The following ZHX2 variants were observed in gnomAD, a reference collection of about 807,000 sequenced individuals.
ZHX2 encodes zinc fingers and homeoboxes protein 2.
A neutral mutation model predicts 21.9 loss-of-function variants in ZHX2; 6 were observed. The observed-to-expected ratio is 0.27, with a 90% CI of 0.15 to 0.54. The LOEUF (loss-of-function observed/expected upper bound fraction) is 0.54. Among genes scored for constraint, ZHX2 ranks in the 20% least tolerant of loss-of-function variants. The pLI is 0.95. For synonymous variants in ZHX2, 434 were observed against 437.1 expected, an observed-to-expected ratio of 0.99 and a Z score of 0.09; for missense variants, 908 against 1,090.7, an observed-to-expected ratio of 0.83 and a Z score of 2.36.
intron 1 of ZHX2, among the ~76,000 whole-genome samples, chr8:122,842,253 T>C (rs1241279827): frequency 2.0e-5 from 3 of 152,206 alleles, no homozygotes; most frequent in East Asian, 3.9e-4. Context: ...ATTGAGAACA[T>C]TGGTCTTCAG....
At chr8:122,856,318 A>G (rs16897552) in intron 1 of ZHX2, among the ~76,000 whole-genome samples, 43,631 of 152,022 alleles carry the variant, frequency 0.29, 6,636 homozygotes, top group East Asian at 0.4. Context: ...AGACACACCC[A>G]TTGTCAAAGA....
intron 1 of ZHX2, among the ~76,000 whole-genome samples, chr8:122,823,849 C>T (rs1411201775): frequency 2.6e-5 from 4 of 152,178 alleles, no homozygotes; most frequent in Admixed American, 2.0e-4. Context: ...CTCCTGATTT[C>T]ATATTTACCT....
intron 1 of ZHX2, among the ~76,000 whole-genome samples, chr8:122,838,731 C>A (rs1438233518): frequency 2.0e-5 from 3 of 151,992 alleles, no homozygotes; most frequent in African/African-American, 7.3e-5. Context: ...GCACGTGCCA[C>A]TACACCCAGC....
At chr8:122,861,854 G>A (rs1223376384) in intron 1 of ZHX2, among the ~76,000 whole-genome samples, 1 of 152,206 alleles carries the variant, frequency 6.6e-6, no homozygotes, top group Non-Finnish European at 1.5e-5. Flanking sequence ...GGAGAGTATT[G>A]TTCTTCTCGC....
intron 2 of ZHX2, among the ~76,000 whole-genome samples, chr8:122,937,129 G>A (rs564034394): frequency 6.6e-6 from 1 of 152,348 alleles, no homozygotes; most frequent in East Asian, 1.9e-4. Flanking sequence ...AACCGGGGAG[G>A]CCCAGGGCTC....
Position 122,782,006 on chromosome 8 carries a change from C to G in ZHX2, c.-283+60C>G, listed in dbSNP as rs904765397. 1 of 152,530 alleles carries G rather than the reference C, an allele frequency of 6.6e-6. No homozygotes were observed. The highest frequency in any genetic ancestry group is 1.5e-5 in the Non-Finnish European group (1 of 68,358). The allele number at this position is 152,530 out of a possible 1,614,324, so 9.4% of individuals were successfully genotyped here. A position where few individuals can be genotyped will look rare whatever the true frequency, so the allele number is the denominator to read the frequency against. ...CCGGCGCCGCCGGCCCCAAACCCCG[C>G]ACGCCGGGCGCCGGCCACTCCAGCC... is the stretch of plus-strand genomic sequence containing the variant. On this transcript the variant is annotated intron_variant, in intron 1 of 3. Coordinates refer to ENST00000314393, the MANE Select transcript of ZHX2 (RefSeq NM_014943.5). This position sits in a 1 kb window ranked among gnomAD's most constrained non-coding sequence, Gnocchi z 5.3.
intron 1 of ZHX2, among the ~76,000 whole-genome samples, chr8:122,821,767 C>T (rs927237419): frequency 4.6e-5 from 7 of 152,136 alleles, no homozygotes; most frequent in Middle Eastern, 3.4e-3. Flanking sequence ...TGCGGTGGCG[C>T]GATCTCGGCT....
chr8:122,943,614 G>A lies in ZHX2; in HGVS notation c.-219-7678G>A, dbSNP rs73335714. On this transcript the variant is annotated intron_variant, in intron 2 of 3. Coordinates refer to ENST00000314393, the MANE Select transcript of ZHX2 (RefSeq NM_014943.5). The stretch of plus-strand genomic sequence containing the variant: ...GGAAGAGAGGCCAAACCCAACGGGC[G>A]AAAGTTCCAGATGAAAAGTGAAGAG... Among the ~76,000 whole-genome samples the A allele has an allele frequency of 5.0e-3, 757 of 152,326 alleles. 2 individuals carry two copies. The highest frequency in any genetic ancestry group is 0.017 in the African/African-American group (717 of 41,574).
At chr8:122,797,392 C>T (rs183984309) in intron 1 of ZHX2, among the ~76,000 whole-genome samples, 215 of 152,294 alleles carry the variant, frequency 1.4e-3, no homozygotes, top group Middle Eastern at 3.4e-3. Context: ...CTCGCAAAGC[C>T]GCAAGGAGCC....
At chr8:122,850,989 G>T (rs1818880918) in intron 1 of ZHX2, among the ~76,000 whole-genome samples, 1 of 152,114 alleles carries the variant, frequency 6.6e-6, no homozygotes, top group South Asian at 2.1e-4. Flanking sequence ...ATTTGCGCTG[G>T]CTGTGTTCTC....
In ZHX2 at chr8:122,953,322, G is replaced by T. The variant is rs1366791594; in HGVS notation, c.1812G>T (p.Val604=). 1 of 1,614,046 alleles carries T rather than the reference G, an allele frequency of 6.2e-7. No individual in the cohort carries two copies. The highest frequency in any genetic ancestry group is 8.5e-7 in the Non-Finnish European group (1 of 1,180,024). ...GGTCTGGCAAAAAAGGCCAAGATGT[G>T]GGAGCCCCCAATGGTGCTCTGTCTC... ...SMGSGKKGQD[V]GAPNGALSRL... Residue 604 remains valine (V), a synonymous_variant, in exon 3 of 4, where the codon GTG becomes GTT. Coordinates refer to ENST00000314393, the MANE Select transcript of ZHX2 (RefSeq NM_014943.5). This position sits in a 1 kb window ranked among gnomAD's most constrained non-coding sequence, Gnocchi z 4.6.
At chr8:122,857,033 G>A (rs557351267) in intron 1 of ZHX2, among the ~76,000 whole-genome samples, 6 of 152,010 alleles carry the variant, frequency 3.9e-5, no homozygotes, top group East Asian at 1.9e-4. Context: ...TGCCCCTCCC[G>A]CCACAGCCCA....
chr8:122,826,325 C>A (rs1009399798), intron 1 of ZHX2, among the ~76,000 whole-genome samples: 1 of 152,224 alleles, frequency 6.6e-6, no homozygotes, highest in African/African-American at 2.4e-5. Flanking sequence ...TTTCTGCCTG[C>A]CATGCCCTCA....
At chr8:122,798,767 C>G (rs939809066) in intron 1 of ZHX2, among the ~76,000 whole-genome samples, 1 of 151,478 alleles carries the variant, frequency 6.6e-6, no homozygotes, top group Non-Finnish European at 1.5e-5. Context: ...CCACTGCACT[C>G]CAGCCTGGGG....
At chr8:122,919,867 A>G (rs1486175043) in intron 2 of ZHX2, among the ~76,000 whole-genome samples, 1 of 152,208 alleles carries the variant, frequency 6.6e-6, no homozygotes, top group Non-Finnish European at 1.5e-5. Context: ...TTACCGTAGA[A>G]ATTGTTGAAA....
chr8:122,839,011 GATCAA>G (rs2130703550), intron 1 of ZHX2, among the ~76,000 whole-genome samples: 3 of 152,292 alleles, frequency 2.0e-5, no homozygotes, highest in Non-Finnish European at 4.4e-5. Flanking sequence ...GATCTTTAGA[GATCAA>G]ATCAGAAATT....
Position 122,782,694 on chromosome 8 carries a change from C to T in ZHX2, c.-283+748C>T, listed in dbSNP as rs1009215553. 6.6e-6 allele frequency among the ~76,000 whole-genome samples: 1 copy of T among 152,064 alleles called. No homozygotes were observed. The highest frequency in any genetic ancestry group is 1.5e-5 in the Non-Finnish European group (1 of 67,980). ...GGCAGGGCCGGAGCGCGGCGCTGTC[C>T]TCACCCCCGCTCAGGTGCAGGGGGA... On this transcript the variant is annotated intron_variant, in intron 1 of 3. Coordinates refer to ENST00000314393, the MANE Select transcript of ZHX2 (RefSeq NM_014943.5). The surrounding 1 kb of genome is among the most constrained non-coding windows in gnomAD (Gnocchi z 5.3).
At chr8:122,799,576 T>G (rs1307608971) in intron 1 of ZHX2, among the ~76,000 whole-genome samples, 1 of 152,226 alleles carries the variant, frequency 6.6e-6, no homozygotes, top group Non-Finnish European at 1.5e-5. Flanking sequence ...AATCTGGAAT[T>G]TTGTTCCCAG....
At chr8:122,797,958 T>C (rs1817644439) in intron 1 of ZHX2, among the ~76,000 whole-genome samples, 1 of 152,192 alleles carries the variant, frequency 6.6e-6, no homozygotes, top group Admixed American at 6.5e-5. Context: ...TTAATTAATC[T>C]GTATACTCCA....
Sources: gnomAD v4.1 joint callset for allele counts (sites outside exome capture counted in the v4.1 genomes callset) on GRCh38, gnomAD v4.1.1 for gene constraint, Gnocchi (gnomAD v3.1) non-coding constraint, MANE v1.5 for transcripts, NCBI Gene and HGNC (gene_info 2026-07-23, HGNC 2026-07-21) for gene names.